Variants in TMEM132D observed in about 807,000 individuals in gnomAD.
TMEM132D encodes the protein transmembrane protein 132D, also known as mature OL transmembrane protein.
Under a neutral mutation model 62.3 loss-of-function variants are expected in TMEM132D, and 21 were observed. The ratio of observed to expected loss-of-function variants is 0.34; its 90% confidence interval spans 0.24 to 0.49. The LOEUF (loss-of-function observed/expected upper bound fraction) is 0.49. TMEM132D is among the 20% of genes least tolerant of loss of function. The pLI, the probability that TMEM132D is intolerant of heterozygous loss-of-function variation, is 0.99. For synonymous variants in TMEM132D, 621 were observed against 575.6 expected, an observed-to-expected ratio of 1.08 and a Z score of -1.13; for missense variants, 1,346 against 1,402.8, an observed-to-expected ratio of 0.96 and a Z score of 0.65.
intron 2 of TMEM132D, among the ~76,000 whole-genome samples, chr12:129,664,723 C>A (rs980939009): frequency 3.8e-4 from 58 of 151,968 alleles, no homozygotes; most frequent in Non-Finnish European, 6.9e-4. Context: ...CTGCGGCCGG[C>A]CTAGAAGAAT....
At chr12:129,720,455 A>G (rs1353409173) in intron 1 of TMEM132D, among the ~76,000 whole-genome samples, 1 of 152,236 alleles carries the variant, frequency 6.6e-6, no homozygotes, top group Non-Finnish European at 1.5e-5. Context: ...AGTAATGCCA[A>G]CAATTTGCCA....
At chr12:129,720,406 G>C (rs1203828329) in intron 1 of TMEM132D, among the ~76,000 whole-genome samples, 1 of 152,140 alleles carries the variant, frequency 6.6e-6, no homozygotes, top group Admixed American at 6.5e-5. Context: ...TGCTTGGTTG[G>C]AGCATTTTCT....
chr12:129,481,496 A>C (rs370015997), intron 3 of TMEM132D, among the ~76,000 whole-genome samples: 1 of 151,586 alleles, frequency 6.6e-6, no homozygotes, highest in East Asian at 1.9e-4. Context: ...AAACTGTAAG[A>C]CAAACTAACC....
intron 5 of TMEM132D, among the ~76,000 whole-genome samples, chr12:129,094,397 A>G (rs1398049053): frequency 6.6e-6 from 1 of 152,256 alleles, no homozygotes; most frequent in South Asian, 2.1e-4. Flanking sequence ...TTCTCAGAAG[A>G]AAACATTTAT....
At chr12:129,704,682 C>T (rs553023851) in intron 1 of TMEM132D, among the ~76,000 whole-genome samples, 122 of 146,466 alleles carry the variant, frequency 8.3e-4, no homozygotes, top group African/African-American at 2.8e-3. Flanking sequence ...CCAGGGATGC[C>T]GGGTCATATG....
chr12:129,611,358 T>C (rs1878769914), intron 2 of TMEM132D, among the ~76,000 whole-genome samples: 1 of 152,228 alleles, frequency 6.6e-6, no homozygotes, highest in African/African-American at 2.4e-5. Context: ...ATTCTGTCAT[T>C]TGGGAAGAAT....
chr12:129,424,305 G>A (rs189286498), intron 3 of TMEM132D, among the ~76,000 whole-genome samples: 10 of 152,092 alleles, frequency 6.6e-5, no homozygotes, highest in Non-Finnish European at 1.3e-4. Flanking sequence ...TTCACACCAA[G>A]AATGTAGGTG....
At chr12:129,326,930 C>T (rs747087770) in intron 4 of TMEM132D, among the ~76,000 whole-genome samples, 1 of 151,720 alleles carries the variant, frequency 6.6e-6, no homozygotes. Context: ...GGAACAGCAC[C>T]GTAAGTCATA....
chr12:129,359,245 T>C (rs1048628194), intron 3 of TMEM132D, among the ~76,000 whole-genome samples: 6 of 152,042 alleles, frequency 3.9e-5, no homozygotes, highest in African/African-American at 1.4e-4. Flanking sequence ...ACAGAAAGTA[T>C]ATTTAGAGGG....
intron 1 of TMEM132D, among the ~76,000 whole-genome samples, chr12:129,825,183 ATTTT>A (rs544055609): frequency 1.4e-5 from 2 of 137,972 alleles, no homozygotes; most frequent in Non-Finnish European, 3.2e-5. Context: ...TAATTTTTGT[ATTTT>A]TTTTTTTTTT....
At chr12:129,444,070 G>C (rs2135722738) in intron 3 of TMEM132D, among the ~76,000 whole-genome samples, 1 of 152,214 alleles carries the variant, frequency 6.6e-6, no homozygotes, top group South Asian at 2.1e-4. Flanking sequence ...GCAGAAAATT[G>C]AAACTGGACC....
chr12:129,234,818 G>T (rs1246256322), intron 4 of TMEM132D, among the ~76,000 whole-genome samples: 2 of 152,126 alleles, frequency 1.3e-5, no homozygotes, highest in Non-Finnish European at 2.9e-5. Flanking sequence ...CAATCTATGT[G>T]GGTGAAATCC....
chr12:129,591,333 G>C (rs930952600), intron 2 of TMEM132D, among the ~76,000 whole-genome samples: 2 of 152,152 alleles, frequency 1.3e-5, no homozygotes, highest in Non-Finnish European at 2.9e-5. Flanking sequence ...AAAATTCCTA[G>C]AGCATGCATC....
chr12:129,221,805 C>T (rs1398516400), intron 4 of TMEM132D, among the ~76,000 whole-genome samples: 1 of 152,180 alleles, frequency 6.6e-6, no homozygotes, highest in Non-Finnish European at 1.5e-5. Context: ...CCTACTCCTA[C>T]CCCTGGCCTC....
At chr12:129,464,102 G>C (rs1403250701) in intron 3 of TMEM132D, among the ~76,000 whole-genome samples, 1 of 149,816 alleles carries the variant, frequency 6.7e-6, no homozygotes, top group Non-Finnish European at 1.5e-5. Flanking sequence ...CAGTGTAAAA[G>C]TGTTCCTATT....
rs34158444 is a variant in TMEM132D, at chr12:129,647,121, CATATAT to C, written c.968+52683_968+52688del. ...AACCACATGTTTTTATACATACATA[CATATAT>C]ATATATATATATATACTCACAAACA... On this transcript the variant is annotated intron_variant, in intron 2 of 8. Coordinates refer to ENST00000422113, the MANE Select transcript of TMEM132D (RefSeq NM_133448.3). Among the ~76,000 whole-genome samples, 76 of 146,414 alleles carry C rather than the reference CATATAT, an allele frequency of 5.2e-4. No individual in the cohort carries two copies. In the South Asian group the frequency reaches 0.014, roughly 26 times the overall value.
chr12:129,683,786 AC>A (rs1302432163), intron 2 of TMEM132D, among the ~76,000 whole-genome samples: 1 of 152,164 alleles, frequency 6.6e-6, no homozygotes, highest in Non-Finnish European at 1.5e-5. Context: ...GAGTTCTCTC[AC>A]CAAACACACA....
At chr12:129,425,738 G>A (rs1461459068) in intron 3 of TMEM132D, among the ~76,000 whole-genome samples, 1 of 152,116 alleles carries the variant, frequency 6.6e-6, no homozygotes, top group Non-Finnish European at 1.5e-5. Context: ...TTTTCTAAGA[G>A]CAGGTTTCTA....
intron 4 of TMEM132D, among the ~76,000 whole-genome samples, chr12:129,288,176 CA>C (rs1881356628): frequency 6.6e-6 from 1 of 152,110 alleles, no homozygotes; most frequent in Non-Finnish European, 1.5e-5. Flanking sequence ...ACATTGGTCT[CA>C]ACAGTGATTT....
Sources: gnomAD v4.1 joint callset for allele counts (sites outside exome capture counted in the v4.1 genomes callset) on GRCh38, gnomAD v4.1.1 for gene constraint, MANE v1.5 for transcripts, NCBI Gene and HGNC (gene_info 2026-07-23, HGNC 2026-07-21) for gene names.